SLC22A25: variants seen among roughly 807,000 people sequenced by gnomAD.
SLC22A25 encodes the protein MGI:2442751, MGI:2385316, MGI:3042283, MGI:3645714, MGI:3605624, MGI:2442750.
In SLC22A25, 44 loss-of-function variants were observed where a neutral mutation model predicts 45.9. The observed-to-expected ratio is 0.96, with a 90% confidence interval of 0.75 to 1.23. The LOEUF is 1.23. SLC22A25 is among the 50% of genes most tolerant of loss of function. SLC22A25 has a pLI of 0.00. For synonymous variants in SLC22A25, 283 were observed against 238.6 expected, an observed-to-expected ratio of 1.19 and a Z score of -1.72; for missense variants, 800 against 666.4, an observed-to-expected ratio of 1.20 and a Z score of -2.21.
intron 1 of SLC22A25, among the ~76,000 whole-genome samples, chr11:63,241,123 G>A (rs1475571190): frequency 1.3e-5 from 2 of 152,220 alleles, no homozygotes; most frequent in Admixed American, 6.5e-5. Context: ...GCAGAAATGT[G>A]TGTGCAAGGG....
In SLC22A25 at chr11:63,228,484, G is replaced by A. The variant is rs199548408; in HGVS notation, c.483C>T (p.Asn161=). Residue 161 remains asparagine, a synonymous_variant, in exon 5 of 12, where the codon AAC becomes AAT. Transcript: ENST00000306494. ...LFMAGMMVGG[N]LYGHLSDRFG... ...ACCTGTCTGACAAATGGCCATATAGGTTGCCTCCCACCATCATTCCAGCCA... is the reference window on the plus strand; with the variant it reads ...ACCTGTCTGACAAATGGCCATATAGATTGCCTCCCACCATCATTCCAGCCA... 5.0e-6 allele frequency: 8 copies of A among 1,613,376 alleles called. No homozygotes were observed. The Admixed American group carries it at 8.3e-5, about 17-fold the overall frequency.
intron 9 of SLC22A25, among the ~76,000 whole-genome samples, chr11:63,171,996 C>T (rs950589088): frequency 2.0e-5 from 3 of 152,102 alleles, no homozygotes; most frequent in African/African-American, 7.2e-5. Context: ...CACCACACAT[C>T]TACTACCATC....
intron 7 of SLC22A25, among the ~76,000 whole-genome samples, chr11:63,186,123 A>T (rs1210028939): frequency 1.4e-5 from 2 of 144,792 alleles, no homozygotes; most frequent in African/African-American, 5.1e-5. Flanking sequence ...TGCCACACTG[A>T]CTTCCACAAT....
At chr11:63,235,177 T>G (rs1294798331) in intron 3 of SLC22A25, among the ~76,000 whole-genome samples, 1 of 152,226 alleles carries the variant, frequency 6.6e-6, no homozygotes, top group Non-Finnish European at 1.5e-5. Flanking sequence ...TTTCCTGAGT[T>G]TGAATGTTGG....
rs1315892709 is a variant in SLC22A25 at position 63,211,186 on chromosome 11, G to A, written c.830+6128C>T. ...TAGAGCTTAACCCTCATGCTGCCTCGGTATGAGTCCGTCAATACCCACTAC... is the reference window on the plus strand; with the variant it reads ...TAGAGCTTAACCCTCATGCTGCCTCAGTATGAGTCCGTCAATACCCACTAC... On this transcript the variant is annotated intron_variant, in intron 7 of 11. Coordinates refer to ENST00000306494, the MANE Select transcript of SLC22A25 (RefSeq NM_199352.6). Among the ~76,000 whole-genome samples the A allele has an allele frequency of 2.6e-5, 4 of 152,074 alleles. No homozygotes were observed. In the East Asian group the frequency reaches 5.8e-4, roughly 22 times the overall value.
chr11:63,214,826 A>C (rs924095282), intron 7 of SLC22A25, among the ~76,000 whole-genome samples: 2 of 151,578 alleles, frequency 1.3e-5, no homozygotes, highest in African/African-American at 4.9e-5. Context: ...CAGTGCACCT[A>C]AATAATAAAT....
At chr11:63,199,035 A>G (rs1431278320) in intron 7 of SLC22A25, among the ~76,000 whole-genome samples, 3 of 152,114 alleles carry the variant, frequency 2.0e-5, no homozygotes, top group Admixed American at 6.6e-5. Flanking sequence ...AAACTAGAAG[A>G]CAAGAAATAA....
At chr11:63,234,775 C>T (rs2090134023) in intron 3 of SLC22A25, among the ~76,000 whole-genome samples, 1 of 152,154 alleles carries the variant, frequency 6.6e-6, no homozygotes, top group South Asian at 2.1e-4. Flanking sequence ...GTGGCTGGTA[C>T]CGGTTGTTCC....
At chr11:63,216,301 G>A (rs2089709246) in intron 7 of SLC22A25, among the ~76,000 whole-genome samples, 1 of 152,156 alleles carries the variant, frequency 6.6e-6, no homozygotes. Context: ...GACCATTGTG[G>A]AATACAGTGT....
rs1026327775 is a variant in SLC22A25 at position 63,183,892 on chromosome 11, G to A, written c.831-75C>T. Reference sequence around the variant, plus strand: ...TTTCACATAACATTTATCCTGAGATGCCTTTCCCCTCTAAGCTAATACCCA... The same window carrying A: ...TTTCACATAACATTTATCCTGAGATACCTTTCCCCTCTAAGCTAATACCCA... On this transcript the variant is annotated intron_variant, in intron 7 of 11. Coordinates refer to ENST00000306494, the MANE Select transcript of SLC22A25 (RefSeq NM_199352.6). The A allele has an allele frequency of 1.9e-6, 3 of 1,591,602 alleles. No homozygotes were observed. The Admixed American group carries it at 5.1e-5, about 27-fold the overall frequency.
chr11:63,231,816 A>G (rs181434863), intron 3 of SLC22A25, among the ~76,000 whole-genome samples: 6 of 152,266 alleles, frequency 3.9e-5, no homozygotes, highest in East Asian at 3.9e-4. Context: ...TGTGTAAGGT[A>G]TAAGGAAGGG....
chr11:63,219,546 A>G (rs2089801630), intron 5 of SLC22A25, among the ~76,000 whole-genome samples: 1 of 152,114 alleles, frequency 6.6e-6, no homozygotes, highest in African/African-American at 2.4e-5. Context: ...TTATTTATTC[A>G]TTCTATTATT....
chr11:63,180,559 T>TC, intron 9 of SLC22A25, 101 bp downstream of exon 9: 1 of 791,480 alleles, frequency 1.3e-6, no homozygotes, highest in Non-Finnish European at 2.0e-6. Context: ...TCATCTTTTA[T>TC]CCCCCAAATA....
chr11:63,167,223 T>C (rs964385327), intron 9 of SLC22A25: 1 of 152,184 alleles, frequency 6.6e-6, no homozygotes, highest in Non-Finnish European at 1.5e-5. Context: ...GGGTTTCAAG[T>C]GCAAAACTAG....
intron 3 of SLC22A25, among the ~76,000 whole-genome samples, chr11:63,230,955 C>T (rs1379305407): frequency 2.6e-5 from 4 of 152,210 alleles, no homozygotes; most frequent in African/African-American, 7.2e-5. Context: ...CCAGCTTCAT[C>T]CATGTCTCTA....
Position 63,175,857 on chromosome 11 carries a change from A to AAACCCTTTCCTTATAGCACAT in SLC22A25, c.1070+4782_1070+4802dup, listed in dbSNP as rs1199846559. ...TATATATACACATTTTAATAAAGTG[A>AAACCCTTTCCTTATAGCACAT]AACCCTTTCCTTATAGCACATAACC... On this transcript the variant is annotated intron_variant, in intron 9 of 11. Coordinates refer to ENST00000306494, the MANE Select transcript of SLC22A25 (RefSeq NM_199352.6). 2.0e-5 allele frequency among the ~76,000 whole-genome samples: 3 copies of AAACCCTTTCCTTATAGCACAT among 151,792 alleles called. No homozygotes were observed. The East Asian group carries it at 5.8e-4, about 29-fold the overall frequency.
rs114817438 is a variant in SLC22A25, at chr11:63,223,870, C to T, written c.506+4591G>A. On this transcript the variant is annotated intron_variant, in intron 5 of 11. Coordinates refer to ENST00000306494, the MANE Select transcript of SLC22A25 (RefSeq NM_199352.6). ...CAATTTCCTTCTTAATCTATTCATA[C>T]CCACTAGTCATTCAGGAGCATACTC... Among the ~76,000 whole-genome samples, 915 of 152,050 alleles carry T rather than the reference C, an allele frequency of 6.0e-3. 12 individuals carry two copies. Among genetic ancestry groups the T allele is most frequent in the African/African-American group, 0.02 (836 of 41,516 alleles).
chr11:63,163,960 A>T lies in SLC22A25; in HGVS notation c.1508T>A (p.Val503Asp). Residue 503 changes from valine to aspartate, a missense_variant, in exon 12 of 12, where the codon GTC (valine) becomes GAC (aspartate). Coordinates refer to ENST00000306494, the MANE Select transcript of SLC22A25 (RefSeq NM_199352.6). ...SRPLPWIIYG[V>D]FAILSGLVVL... is the part of the protein sequence containing the mutation. Reference sequence around the variant, plus strand: ...AACAAGGCCAGAGAGGATGGCAAAGACTCCATAGATGATCCAGGGCAGGGG... The same window carrying T: ...AACAAGGCCAGAGAGGATGGCAAAGTCTCCATAGATGATCCAGGGCAGGGG... The T allele has an allele frequency of 6.2e-7, 1 of 1,613,716 alleles. No individual in the cohort carries two copies. Among genetic ancestry groups the T allele is most frequent in the Non-Finnish European group, 8.5e-7 (1 of 1,179,848 alleles).
intron 9 of SLC22A25, among the ~76,000 whole-genome samples, chr11:63,176,034 C>G (rs940678566): frequency 6.6e-6 from 1 of 151,986 alleles, no homozygotes; most frequent in Non-Finnish European, 1.5e-5. Flanking sequence ...ACTGTATATG[C>G]ATGGATTGAT....
Sources: allele counts gnomAD v4.1 joint callset (sites outside exome capture counted in the v4.1 genomes callset), GRCh38; gene constraint gnomAD v4.1.1; transcripts MANE v1.5; gene names NCBI Gene and HGNC (gene_info 2026-07-23, HGNC 2026-07-21).